MAP3K20: variants seen among roughly 807,000 people sequenced by gnomAD.
MAP3K20 encodes the protein HCCS-4.
In MAP3K20, 40 loss-of-function variants were observed where a neutral mutation model predicts 85.7. The observed-to-expected ratio is 0.47, with a 90% CI of 0.36 to 0.61. The LOEUF is 0.61. Ranked by LOEUF, MAP3K20 falls within the 20% of genes least tolerant of loss-of-function variation. The pLI, the probability that MAP3K20 is intolerant of heterozygous loss-of-function variation, is 0.00. For synonymous variants in MAP3K20, 325 were observed against 327.7 expected (o/e 0.99, Z 0.09); for missense variants, 817 against 961.7 (o/e 0.85, Z 1.99).
At chr2:173,151,478 A>G (rs1255323994) in intron 2 of MAP3K20, among the ~76,000 whole-genome samples, 1 of 152,172 alleles carries the variant, frequency 6.6e-6, no homozygotes, top group Admixed American at 6.5e-5. Context: ...GCCAGCCTAG[A>G]ATGCAGGTGT....
chr2:173,254,268 A>C (rs1685108517), intron 16 of MAP3K20, among the ~76,000 whole-genome samples: 1 of 150,866 alleles, frequency 6.6e-6, no homozygotes, highest in African/African-American at 2.4e-5. Flanking sequence ...ACAAAAAAAA[A>C]ACACAAAAAA....
intron 11 of MAP3K20, among the ~76,000 whole-genome samples, chr2:173,227,898 G>A (rs1337677888): frequency 6.6e-6 from 1 of 152,190 alleles, no homozygotes; most frequent in East Asian, 1.9e-4. Context: ...GATGGGAGAA[G>A]GGAATGGCAT....
chr2:173,076,379 C>T (rs777711579), intron 1 of MAP3K20, among the ~76,000 whole-genome samples: 7 of 152,108 alleles, frequency 4.6e-5, no homozygotes, highest in Non-Finnish European at 8.8e-5. Context: ...GGCAGGGGCT[C>T]CGCGAGCAGC....
intron 2 of MAP3K20, among the ~76,000 whole-genome samples, chr2:173,118,482 G>T (rs931710704): frequency 6.6e-6 from 1 of 152,092 alleles, no homozygotes; most frequent in African/African-American, 2.4e-5. Context: ...TTTGAGGGGG[G>T]TGACTGTGCA....
At chr2:173,087,941 A>G (rs1687186922) in intron 1 of MAP3K20, among the ~76,000 whole-genome samples, 1 of 152,160 alleles carries the variant, frequency 6.6e-6, no homozygotes. Flanking sequence ...GGTGAAGGAA[A>G]TTCTTAGGAT....
chr2:173,190,761 G>A lies in MAP3K20; in HGVS notation c.416-134G>A. On this transcript the variant is annotated intron_variant, in intron 5 of 19. Coordinates refer to ENST00000375213, the MANE Select transcript of MAP3K20 (RefSeq NM_016653.3). The stretch of plus-strand genomic sequence containing the variant: ...AGCCCCCTTTTGCAAAATCCTCAAT[G>A]CTGTAAATACATTGATTTCACCTTT... The A allele has an allele frequency of 5.8e-6, 5 of 865,648 alleles. No homozygotes were observed. The South Asian group carries it at 9.0e-5, about 16-fold the overall frequency. 53.6% of individuals were successfully genotyped at this position (865,648 alleles called of 1,614,324 possible).
At chr2:173,120,564 C>T (rs1408639852) in intron 2 of MAP3K20, among the ~76,000 whole-genome samples, 1 of 151,628 alleles carries the variant, frequency 6.6e-6, no homozygotes, top group East Asian at 1.9e-4. Flanking sequence ...TTATTATGTC[C>T]CCACATGCAA....
At chr2:173,256,550 TAGAG>T (rs1473945928) in intron 16 of MAP3K20, among the ~76,000 whole-genome samples, 15 of 147,336 alleles carry the variant, frequency 1.0e-4, no homozygotes, top group African/African-American at 1.8e-4. Flanking sequence ...GACAGACAGA[TAGAG>T]AGAATGTGCA....
chr2:173,110,428 A>C (rs1274678472), intron 2 of MAP3K20, among the ~76,000 whole-genome samples: 7 of 150,428 alleles, frequency 4.7e-5, no homozygotes, highest in Non-Finnish European at 8.9e-5. Flanking sequence ...TAATTAAAAA[A>C]AATTTTTTTC....
chr2:173,204,790 A>G, intron 9 of MAP3K20, among the ~76,000 whole-genome samples: 1 of 152,236 alleles, frequency 6.6e-6, no homozygotes, highest in Non-Finnish European at 1.5e-5. Context: ...ATATTTTGGA[A>G]TTTTCCATAA....
chr2:173,076,316 G>T (rs1686860151), intron 1 of MAP3K20, among the ~76,000 whole-genome samples: 1 of 152,098 alleles, frequency 6.6e-6, no homozygotes, highest in Non-Finnish European at 1.5e-5. Context: ...GCCTGGAGGC[G>T]CGGGCGCAGG....
intron 10 of MAP3K20, among the ~76,000 whole-genome samples, chr2:173,215,087 C>T (rs531452806): frequency 1.3e-5 from 2 of 152,312 alleles, no homozygotes; most frequent in African/African-American, 4.8e-5. Context: ...GCAGTAGGCT[C>T]TCAAAGCTGG....
rs879885233 is a variant in MAP3K20 at position 173,192,732 on chromosome 2, T to TCC, written c.582+1555_582+1556insCC. 4.6e-3 allele frequency among the ~76,000 whole-genome samples: 698 copies of TCC among 152,344 alleles called. 12 individuals carry two copies. The highest frequency in any genetic ancestry group is 0.028 in the Admixed American group (435 of 15,306). On this transcript the variant is annotated intron_variant, in intron 7 of 19. Transcript: ENST00000375213. ...ATTTGTAGCAATTTAAGACTCTTTG[T>TCC]AAGATTGTTTTCTCTTGTGAAAGTG...
chr2:173,184,372 AATAG>A (rs1409594764), intron 4 of MAP3K20, among the ~76,000 whole-genome samples: 1 of 152,230 alleles, frequency 6.6e-6, no homozygotes, highest in Non-Finnish European at 1.5e-5. Context: ...TGGCACTTAG[AATAG>A]ATAGACAGCA....
intron 14 of MAP3K20, among the ~76,000 whole-genome samples, chr2:173,236,125 G>C (rs1684641379): frequency 6.6e-6 from 1 of 152,084 alleles, no homozygotes; most frequent in Non-Finnish European, 1.5e-5. Flanking sequence ...AATTAGCCAG[G>C]CATGTGGTGC....
rs531413549 is a variant in MAP3K20, at chr2:173,173,544, A to T, written c.247+3652A>T. Among the ~76,000 whole-genome samples, 7 of 152,306 alleles carry T rather than the reference A, an allele frequency of 4.6e-5. No homozygotes were observed. In the South Asian group the frequency reaches 1.4e-3, roughly 32 times the overall value. On this transcript the variant is annotated intron_variant, in intron 3 of 19. Coordinates refer to ENST00000375213, the MANE Select transcript of MAP3K20 (RefSeq NM_016653.3). ...ATTCTCATTAAACCCAGCCAAGGAA[A>T]ACATACTAATTTTTAAGTGCCCAAT...
intron 1 of MAP3K20, among the ~76,000 whole-genome samples, chr2:173,078,060 C>T (rs1686914200): frequency 6.6e-6 from 1 of 152,180 alleles, no homozygotes; most frequent in African/African-American, 2.4e-5. Flanking sequence ...AGAGAAAACA[C>T]TGAAAACTTT....
chr2:173,124,681 A>G (rs1343197814), intron 2 of MAP3K20, among the ~76,000 whole-genome samples: 1 of 152,220 alleles, frequency 6.6e-6, no homozygotes. Flanking sequence ...TGGGGTGTCC[A>G]GGAAACTTGC....
chr2:173,262,020 G>GA (rs34274087), intron 18 of MAP3K20, among the ~76,000 whole-genome samples: 14,135 of 138,660 alleles, frequency 0.1, 681 homozygotes, highest in South Asian at 0.19. Flanking sequence ...CCTGTCTCCA[G>GA]AAAAAAAAAA....
Sources: gnomAD v4.1 joint callset for allele counts (sites outside exome capture counted in the v4.1 genomes callset) on GRCh38, gnomAD v4.1.1 for gene constraint, MANE v1.5 for transcripts, NCBI Gene and HGNC (gene_info 2026-07-23, HGNC 2026-07-21) for gene names.